GPC6: variants seen among roughly 807,000 people sequenced by gnomAD.
GPC6 encodes the protein glypican 6, also known as glypican-6.
Under a neutral mutation model 55.2 loss-of-function variants are expected in GPC6, and 14 were observed. That is an observed-to-expected ratio of 0.25 (90% CI 0.17 to 0.40). The LOEUF (loss-of-function observed/expected upper bound fraction) is 0.40, where lower values mean the gene tolerates loss of function less well. Ranked by LOEUF, GPC6 falls within the 10% of genes least tolerant of loss-of-function variation. The pLI is 1.00. For synonymous variants in GPC6, 278 were observed against 259.6 expected (o/e 1.07, Z -0.68); for missense variants, 641 against 708.5 (o/e 0.90, Z 1.08).
chr13:93,661,423 A>G (rs1880915707), intron 2 of GPC6, among the ~76,000 whole-genome samples: 1 of 152,156 alleles, frequency 6.6e-6, no homozygotes, highest in East Asian at 1.9e-4. Context: ...CATTTTGGCC[A>G]GGCTGGTCTT....
chr13:93,621,589 T>TAC (rs1398224551), intron 2 of GPC6, among the ~76,000 whole-genome samples: 1 of 152,146 alleles, frequency 6.6e-6, no homozygotes, highest in Admixed American at 6.6e-5. Context: ...TGATTAATAT[T>TAC]ACACTTCAAC....
chr13:93,505,292 A>T (rs978910824), intron 1 of GPC6, among the ~76,000 whole-genome samples: 2 of 152,166 alleles, frequency 1.3e-5, no homozygotes, highest in African/African-American at 4.8e-5. Context: ...CCAAATATTG[A>T]ACTTTTGCTC....
At chr13:94,317,875 ATG>A (rs995286842) in intron 6 of GPC6, among the ~76,000 whole-genome samples, 9 of 151,834 alleles carry the variant, frequency 5.9e-5, no homozygotes, top group African/African-American at 7.3e-5. Flanking sequence ...ATGTGTGTGC[ATG>A]TGTGTGTGTT....
intron 1 of GPC6, among the ~76,000 whole-genome samples, chr13:93,354,289 C>G (rs974800071): frequency 1.3e-5 from 2 of 151,148 alleles, no homozygotes; most frequent in Non-Finnish European, 2.9e-5. Flanking sequence ...TTTTCTTTGC[C>G]AAGATAACCT....
chr13:94,373,860 G>T (rs1259505760), intron 6 of GPC6, among the ~76,000 whole-genome samples: 1 of 152,060 alleles, frequency 6.6e-6, no homozygotes, highest in Non-Finnish European at 1.5e-5. Context: ...ACTAACAGCG[G>T]ATCTCTCGGC....
At chr13:94,176,507 G>A (rs1472404104) in intron 4 of GPC6, among the ~76,000 whole-genome samples, 1 of 152,122 alleles carries the variant, frequency 6.6e-6, no homozygotes, top group Non-Finnish European at 1.5e-5. Flanking sequence ...CCTGTGCTAA[G>A]CATGGAGGGA....
intron 4 of GPC6, among the ~76,000 whole-genome samples, chr13:94,265,573 A>G (rs192846239): frequency 6.6e-5 from 10 of 152,322 alleles, no homozygotes; most frequent in Admixed American, 4.6e-4. Context: ...CAGGATCAAT[A>G]CTATGCATCC....
chr13:93,328,000 TA>T (rs1230891414), intron 1 of GPC6, among the ~76,000 whole-genome samples: 3 of 151,942 alleles, frequency 2.0e-5, no homozygotes, highest in African/African-American at 7.2e-5. Flanking sequence ...AAAACAACTT[TA>T]AAAAAATGGC....
At chr13:93,226,196 T>C (rs745819161), upstream of GPC6, among the ~76,000 whole-genome samples, 10 of 152,166 alleles carry the variant, frequency 6.6e-5, no homozygotes, top group African/African-American at 9.7e-5. Flanking sequence ...TGTCCCTTTA[T>C]GCACCTCTGA....
At chr13:94,394,253 T>C (rs1209091447) in intron 7 of GPC6, among the ~76,000 whole-genome samples, 2 of 152,240 alleles carry the variant, frequency 1.3e-5, no homozygotes, top group Non-Finnish European at 2.9e-5. Flanking sequence ...TGGCTGTTCA[T>C]GAATGCCACC....
intron 3 of GPC6, among the ~76,000 whole-genome samples, chr13:93,865,267 G>GA (rs892984580): frequency 4.0e-5 from 6 of 151,618 alleles, no homozygotes; most frequent in South Asian, 4.2e-4. Flanking sequence ...ACTCTCTGGG[G>GA]AAAAAAATGG....
intron 2 of GPC6, among the ~76,000 whole-genome samples, chr13:93,612,193 A>G (rs1878496032): frequency 6.6e-6 from 1 of 152,176 alleles, no homozygotes. Context: ...ATAGAATAAA[A>G]TAGGTTATAA....
chr13:94,378,799 T>G (rs1880021800), intron 6 of GPC6, among the ~76,000 whole-genome samples: 1 of 152,244 alleles, frequency 6.6e-6, no homozygotes. Flanking sequence ...ACAGCATTAC[T>G]AATACAATAT....
At chr13:93,429,209 T>C (rs777123562) in intron 1 of GPC6, among the ~76,000 whole-genome samples, 1 of 152,140 alleles carries the variant, frequency 6.6e-6, no homozygotes, top group Non-Finnish European at 1.5e-5. Flanking sequence ...CTTACTTTAA[T>C]AGGCTGCAAT....
intron 1 of GPC6, among the ~76,000 whole-genome samples, chr13:93,371,547 C>T (rs1029613326): frequency 1.1e-4 from 17 of 152,084 alleles, no homozygotes; most frequent in South Asian, 1.0e-3. Flanking sequence ...CTGATTTATT[C>T]CTTTAACACA....
chr13:93,846,771 G>A (rs1028868754), intron 3 of GPC6, among the ~76,000 whole-genome samples: 3 of 152,108 alleles, frequency 2.0e-5, no homozygotes, highest in African/African-American at 4.8e-5. Flanking sequence ...CTGAGATTGC[G>A]CCATTGCACT....
chr13:94,085,321 C>CAAAGA (rs1491120853), intron 4 of GPC6, among the ~76,000 whole-genome samples: 1 of 87,050 alleles, frequency 1.1e-5, no homozygotes, highest in African/African-American at 4.3e-5. Flanking sequence ...GATTCTGTCT[C>CAAAGA]AAAAAAAAAA....
intron 1 of GPC6, among the ~76,000 whole-genome samples, chr13:93,542,448 C>T (rs560709533): frequency 6.6e-6 from 1 of 152,274 alleles, no homozygotes; most frequent in African/African-American, 2.4e-5. Flanking sequence ...AGTTTGAAGT[C>T]AGGTAGCGTG....
rs1168033554 is a variant in GPC6, at chr13:93,790,756, CAT to C, written c.320-39397_320-39396del. On this transcript the variant is annotated intron_variant, in intron 2 of 8. Transcript: ENST00000377047. Reference sequence around the variant, plus strand: ...CCTAGTGGAAGAGACAGCATATTCACATGTTATAATTCATATTCACATGAGTT... The same window carrying C: ...CCTAGTGGAAGAGACAGCATATTCACGTTATAATTCATATTCACATGAGTT... Among the ~76,000 whole-genome samples the C allele has an allele frequency of 9.2e-5, 14 of 152,272 alleles. No individual in the cohort carries two copies. In the South Asian group the frequency reaches 1.0e-3, roughly 11 times the overall value.
Sources: gnomAD v4.1 joint callset for allele counts (sites outside exome capture counted in the v4.1 genomes callset) on GRCh38, gnomAD v4.1.1 for gene constraint, MANE v1.5 for transcripts, NCBI Gene and HGNC (gene_info 2026-07-23, HGNC 2026-07-21) for gene names.